TLE4: variants seen among roughly 807,000 people sequenced by gnomAD.
The protein encoded by TLE4 is transducin-like enhancer protein 4.
A neutral mutation model predicts 92.8 loss-of-function variants in TLE4; 8 were observed. The ratio of observed to expected loss-of-function variants is 0.09; its 90% confidence interval spans 0.05 to 0.16. The LOEUF (loss-of-function observed/expected upper bound fraction) is 0.16. Ranked by LOEUF, TLE4 falls within the 10% of genes least tolerant of loss-of-function variation. TLE4 has a pLI of 1.00. For synonymous variants in TLE4, 371 were observed against 374.1 expected (o/e 0.99, Z 0.10); for missense variants, 675 against 997.6 (o/e 0.68, Z 4.36).
chr9:79,699,263 A>G (rs1010247375), intron 8 of TLE4, among the ~76,000 whole-genome samples: 3 of 152,128 alleles, frequency 2.0e-5, no homozygotes, highest in Admixed American at 6.5e-5. Flanking sequence ...TGGTTATGGC[A>G]TCAGTAAAGG....
At chr9:79,668,899 A>G in intron 8 of TLE4, 1 of 879,684 alleles carries the variant, frequency 1.1e-6, no homozygotes, top group East Asian at 1.2e-4. Context: ...ATGTAGCTGC[A>G]GATGATAATG....
rs1024961707 is a variant in TLE4 at position 79,603,519 on chromosome 9, G to GT, written c.253-9129dup. ...TTAAATTATGGTGTATTGTGTGTGT[G>GT]TTTTTTTTAAGACATAATGCTACTT... On this transcript the variant is annotated intron_variant, in intron 4 of 19. Coordinates refer to ENST00000376552, the MANE Select transcript of TLE4 (RefSeq NM_007005.6). 2.1e-4 allele frequency among the ~76,000 whole-genome samples: 32 copies of GT among 151,844 alleles called. No individual in the cohort carries two copies. The East Asian group carries it at 2.1e-3, about 10-fold the overall frequency.
chr9:79,724,984 C>T, intron 19 of TLE4, 53 bp from the exon 20 acceptor site: 2 of 1,335,548 alleles, frequency 1.5e-6, no homozygotes, highest in Non-Finnish European at 2.1e-6. Context: ...CCTCCATACT[C>T]ATGGGATTTT....
At chr9:79,581,792 TAGAG>T (rs1273902688) in intron 4 of TLE4, among the ~76,000 whole-genome samples, 1 of 152,148 alleles carries the variant, frequency 6.6e-6, no homozygotes, top group Non-Finnish European at 1.5e-5. Flanking sequence ...ATTCCTGAAA[TAGAG>T]AGTCCCTGAA....
intron 6 of TLE4, among the ~76,000 whole-genome samples, chr9:79,637,615 A>C (rs185489446): frequency 7.4e-4 from 113 of 152,278 alleles, no homozygotes; most frequent in Non-Finnish European, 1.3e-3. Flanking sequence ...GTTAGTCTAA[A>C]TTGTCTGAAT....
chr9:79,703,403 G>A (rs898618563), intron 8 of TLE4, among the ~76,000 whole-genome samples: 1 of 152,152 alleles, frequency 6.6e-6, no homozygotes, highest in Non-Finnish European at 1.5e-5. Flanking sequence ...CCTGCATTTA[G>A]ATCTTTTCTT....
chr9:79,620,347 A>G (rs1170513633), intron 5 of TLE4, among the ~76,000 whole-genome samples: 1 of 152,246 alleles, frequency 6.6e-6, no homozygotes, highest in Non-Finnish European at 1.5e-5. Context: ...AGTGGCTGTC[A>G]TATTATTAGC....
At chr9:79,691,309 C>A (rs2135530315) in intron 8 of TLE4, among the ~76,000 whole-genome samples, 1 of 152,246 alleles carries the variant, frequency 6.6e-6, no homozygotes, top group South Asian at 2.1e-4. Flanking sequence ...AATTTTGAAA[C>A]CAGAATTCTA....
intron 4 of TLE4, chr9:79,576,625 C>G (rs2037867737): frequency 6.6e-6 from 1 of 152,238 alleles, no homozygotes; most frequent in Non-Finnish European, 1.5e-5. Flanking sequence ...AAAATGAAAT[C>G]TGTGGAGCTA....
rs373721217 is a variant in TLE4 at position 79,600,630 on chromosome 9, C to T, written c.253-12026C>T. Among the ~76,000 whole-genome samples the T allele has an allele frequency of 3.3e-5, 5 of 152,138 alleles. No homozygotes were observed. The South Asian group carries it at 8.3e-4, about 25-fold the overall frequency. On this transcript the variant is annotated intron_variant, in intron 4 of 19. Coordinates refer to ENST00000376552, the MANE Select transcript of TLE4 (RefSeq NM_007005.6). ...GAATCCGTATGTGGAATCCCAAGTT[C>T]GGTTGCCTGCTGCTCAACACGTGAT...
At chr9:79,655,319 A>C (rs1206726522) in intron 8 of TLE4, among the ~76,000 whole-genome samples, 1 of 152,180 alleles carries the variant, frequency 6.6e-6, no homozygotes, top group Non-Finnish European at 1.5e-5. Flanking sequence ...AATGTTTTGG[A>C]GTATAGGTAG....
rs1358469253 is a variant in TLE4 at position 79,726,173 on chromosome 9, C to A, written c.*1029C>A. 6.6e-6 allele frequency: 1 copy of A among 152,636 alleles called. No individual in the cohort carries two copies. The highest frequency in any genetic ancestry group is 1.5e-5 in the Non-Finnish European group (1 of 68,034). 9.5% of individuals were successfully genotyped at this position (152,636 alleles called of 1,614,324 possible). A position where few individuals can be genotyped will look rare whatever the true frequency, so the allele number is the denominator to read the frequency against. On this transcript the variant is annotated 3_prime_UTR_variant, in exon 20 of 20. Transcript: ENST00000376552. ...CTCTGAAAAACACAAAGAATGGACT[C>A]TCTCCTGGGATGAGGACTTGCTTTC...
chr9:79,618,829 A>G (rs1413541319), intron 5 of TLE4, among the ~76,000 whole-genome samples: 2 of 152,204 alleles, frequency 1.3e-5, no homozygotes, highest in Non-Finnish European at 2.9e-5. Flanking sequence ...TTAAGAAAAT[A>G]TTGGTTTAAC....
In TLE4 at chr9:79,718,836, C is replaced by T; in HGVS notation, c.1455C>T (p.Asn485=). 6 of 1,614,156 alleles carry T rather than the reference C, an allele frequency of 3.7e-6. No individual in the cohort carries two copies. The highest frequency in any genetic ancestry group is 5.1e-6 in the Non-Finnish European group (6 of 1,180,036). ...PRHARQINTL[N]HGEVVCAVTI... ...ATGCTCGCCAGATCAACACCCTCAA[C>T]CACGGGGAGGTGGTGTGCGCGGTGA... is the stretch of plus-strand genomic sequence containing the variant. The change falls in exon 15 of 20, where the codon AAC becomes AAT. Residue 485 remains asparagine, a synonymous_variant. Coordinates refer to ENST00000376552, the MANE Select transcript of TLE4 (RefSeq NM_007005.6).
At chr9:79,590,573 C>T (rs1230876893) in intron 4 of TLE4, among the ~76,000 whole-genome samples, 2 of 152,076 alleles carry the variant, frequency 1.3e-5, no homozygotes. Context: ...TATGGCTAGC[C>T]TAGGAGGCTC....
rs17728513 is a variant in TLE4 at position 79,719,925 on chromosome 9, A to G, written c.1591-121A>G. ...AGCATTAATCCACTTTATCATTGTC[A>G]TAAGTATAAACGGCTCATTAAACCA... On this transcript the variant is annotated intron_variant, in intron 15 of 19. Transcript: ENST00000376552. 6,585 of 1,288,750 alleles carry G rather than the reference A, an allele frequency of 5.1e-3. 27 individuals are homozygous for G. Among genetic ancestry groups the G allele is most frequent in the African/African-American group, 8.7e-3 (589 of 67,552 alleles). The allele number at this position is 1,288,750 out of a possible 1,614,324, so 79.8% of individuals were successfully genotyped here.
chr9:79,618,665 G>A (rs923385575), intron 5 of TLE4, among the ~76,000 whole-genome samples: 9 of 152,068 alleles, frequency 5.9e-5, no homozygotes, highest in African/African-American at 9.7e-5. Flanking sequence ...TTTTTTGGTG[G>A]TGGTGGTTGT....
At chr9:79,699,666 G>T (rs1441232471) in intron 8 of TLE4, among the ~76,000 whole-genome samples, 1 of 152,186 alleles carries the variant, frequency 6.6e-6, no homozygotes, top group East Asian at 1.9e-4. Flanking sequence ...GCTTGATCAT[G>T]GTTTCCATGC....
At chr9:79,646,966 A>G (rs748537558) in intron 6 of TLE4, among the ~76,000 whole-genome samples, 4 of 152,194 alleles carry the variant, frequency 2.6e-5, no homozygotes, top group Non-Finnish European at 5.9e-5. Context: ...GGCATATACT[A>G]TTAAGCAGTA....
Sources: allele counts gnomAD v4.1 joint callset (sites outside exome capture counted in the v4.1 genomes callset), GRCh38; gene constraint gnomAD v4.1.1; transcripts MANE v1.5; gene names NCBI Gene and HGNC (gene_info 2026-07-23, HGNC 2026-07-21).